Variants in VANGL1 observed in about 807,000 individuals in gnomAD.
VANGL1 encodes the protein VANGL planar cell polarity protein 1.
Under a neutral mutation model 48.4 loss-of-function variants are expected in VANGL1, and 18 were observed. The ratio of observed to expected loss-of-function variants is 0.37; its 90% confidence interval spans 0.26 to 0.55. The LOEUF (loss-of-function observed/expected upper bound fraction) is 0.55. VANGL1 is among the 20% of genes least tolerant of loss of function. VANGL1 has a pLI of 0.81. For missense variants in VANGL1, 667 were observed against 675.8 expected (o/e 0.99, Z 0.14); for synonymous variants, 257 against 261.8 (o/e 0.98, Z 0.18).
In VANGL1 at chr1:115,693,407, A is replaced by G. The variant is rs1010316665; in HGVS notation, c.*2028A>G. ...TAATGACACTGTTCATCACCATTCTAAAATACTGTTCTTCCAACCCTATCT... is the reference window on the plus strand; with the variant it reads ...TAATGACACTGTTCATCACCATTCTGAAATACTGTTCTTCCAACCCTATCT... On this transcript the variant is annotated 3_prime_UTR_variant, in exon 8 of 8. Transcript: ENST00000355485. The G allele has an allele frequency of 5.9e-5, 9 of 152,638 alleles. No individual in the cohort carries two copies. Among genetic ancestry groups the G allele is most frequent in the Admixed American group, 5.2e-4 (8 of 15,278 alleles). 9.5% of individuals were successfully genotyped at this position (152,638 alleles called of 1,614,324 possible).
At chr1:115,655,274 A>G (rs114672162) in intron 2 of VANGL1, among the ~76,000 whole-genome samples, 1 of 152,212 alleles carries the variant, frequency 6.6e-6, no homozygotes, top group Non-Finnish European at 1.5e-5. Flanking sequence ...AACAACAGAA[A>G]CAGGACTAAA....
At chr1:115,647,738 T>C (rs1358359604) in intron 1 of VANGL1, among the ~76,000 whole-genome samples, 1 of 151,858 alleles carries the variant, frequency 6.6e-6, no homozygotes, top group Non-Finnish European at 1.5e-5. Flanking sequence ...TCAGAGAGGG[T>C]GTTGAAGGTG....
Position 115,672,141 on chromosome 1 carries a change from A to G in VANGL1, c.812+7873A>G, listed in dbSNP as rs1310210464. ...TATAGTTTTATTTGTATTATTAGGGACTCATGGAGAAGTGCTCTGGGTGTC... is the reference window on the plus strand; with the variant it reads ...TATAGTTTTATTTGTATTATTAGGGGCTCATGGAGAAGTGCTCTGGGTGTC... On this transcript the variant is annotated intron_variant, in intron 4 of 7. Transcript: ENST00000355485. 7.2e-5 allele frequency among the ~76,000 whole-genome samples: 11 copies of G among 151,848 alleles called. 1 individual carries two copies.
At position 115,663,872 on chromosome 1, in the gene VANGL1, G is replaced by C; in HGVS notation, c.416G>C (p.Arg139Thr). ...ATCCTTTTACCTCCGATCCTGTGGA[G>C]GGATGAGCTGGAGCCTTGTGGCACA... is the stretch of plus-strand genomic sequence containing the variant. Reference protein sequence around the residue: ...AFILLPPILWRDELEPCGTIC... With the variant: ...AFILLPPILWTDELEPCGTIC... Residue 139 changes from arginine (R) to threonine (T), a missense_variant, in exon 4 of 8, where the codon AGG (arginine) becomes ACG (threonine). Coordinates refer to ENST00000355485, the MANE Select transcript of VANGL1 (RefSeq NM_138959.3). 2 of 1,614,206 alleles carry C rather than the reference G, an allele frequency of 1.2e-6. No individual in the cohort carries two copies. Among genetic ancestry groups the C allele is most frequent in the South Asian group, 2.2e-5 (2 of 91,078 alleles).
At chr1:115,661,126 G>A (rs1235921133) in intron 3 of VANGL1, among the ~76,000 whole-genome samples, 3 of 152,162 alleles carry the variant, frequency 2.0e-5, no homozygotes, top group Non-Finnish European at 4.4e-5. Context: ...GTGTTTGGAG[G>A]CTGTATTTTT....
chr1:115,677,371 A>G (rs1190311331), intron 4 of VANGL1, among the ~76,000 whole-genome samples: 1 of 151,878 alleles, frequency 6.6e-6, no homozygotes, highest in African/African-American at 2.4e-5. Flanking sequence ...TTCTCATTCC[A>G]CCCTCTTTGT....
intron 2 of VANGL1, among the ~76,000 whole-genome samples, chr1:115,654,125 A>G (rs1327753407): frequency 6.6e-6 from 1 of 152,156 alleles, no homozygotes. Flanking sequence ...GTTCCTGTGA[A>G]GGCTGCCCTG....
At chr1:115,663,228 T>C (rs552264017) in intron 3 of VANGL1, among the ~76,000 whole-genome samples, 2 of 152,318 alleles carry the variant, frequency 1.3e-5, no homozygotes, top group South Asian at 2.1e-4. Context: ...TTGGACTTCG[T>C]AAGCCTTTAT....
chr1:115,681,748 C>T (rs1222868620), intron 4 of VANGL1, among the ~76,000 whole-genome samples: 1 of 152,158 alleles, frequency 6.6e-6, no homozygotes, highest in East Asian at 1.9e-4. Context: ...CTCAGGTGAT[C>T]TGCCCACCTC....
intron 7 of VANGL1, among the ~76,000 whole-genome samples, chr1:115,687,465 G>T (rs1274238353): frequency 7.2e-6 from 1 of 138,196 alleles, no homozygotes; most frequent in Non-Finnish European, 1.6e-5. Context: ...AAGTTTCCTG[G>T]TTGCTTTTTG....
chr1:115,688,664 T>G lies in VANGL1; in HGVS notation c.1315-2455T>G, dbSNP rs574138032. ...TCCTAGGGGGTGTACTTTTGCATGC[T>G]TTGCCTCTAACATCTGAGATTTTTT... On this transcript the variant is annotated intron_variant, in intron 7 of 7. Transcript: ENST00000355485. Among the ~76,000 whole-genome samples, 6 of 138,614 alleles carry G rather than the reference T, an allele frequency of 4.3e-5. No individual in the cohort carries two copies. In the East Asian group the frequency reaches 1.0e-3, roughly 23 times the overall value. 90.9% of individuals were successfully genotyped at this position (138,614 alleles called of 152,430 possible). A position where few individuals can be genotyped will look rare whatever the true frequency, so the allele number is the denominator to read the frequency against.
At chr1:115,684,669 A>G (rs1455580099) in intron 6 of VANGL1, among the ~76,000 whole-genome samples, 1 of 152,204 alleles carries the variant, frequency 6.6e-6, no homozygotes, top group Non-Finnish European at 1.5e-5. Context: ...TGGCATTTCT[A>G]ACAGATTCCT....
intron 2 of VANGL1, among the ~76,000 whole-genome samples, chr1:115,657,140 G>A (rs1275830733): frequency 6.6e-6 from 1 of 152,208 alleles, no homozygotes; most frequent in African/African-American, 2.4e-5. Context: ...GCCTTTTGAA[G>A]TGATTGTATT....
chr1:115,654,522 A>AG (rs1652273417), intron 2 of VANGL1, among the ~76,000 whole-genome samples: 1 of 150,310 alleles, frequency 6.7e-6, no homozygotes. Context: ...AAAAAAAAAA[A>AG]TTGGTATTTT....
chr1:115,675,665 G>A (rs569199769), intron 4 of VANGL1, among the ~76,000 whole-genome samples: 4 of 152,142 alleles, frequency 2.6e-5, no homozygotes, highest in East Asian at 3.9e-4. Flanking sequence ...GGTGGCGTGC[G>A]CCTGTAATCC....
intron 1 of VANGL1, among the ~76,000 whole-genome samples, chr1:115,651,006 G>A (rs1293051087): frequency 6.6e-6 from 1 of 152,058 alleles, no homozygotes; most frequent in Non-Finnish European, 1.5e-5. Context: ...CAGGGGTCAG[G>A]TCATCCTGAG....
At chr1:115,682,182 G>T (rs539875003) in intron 4 of VANGL1, among the ~76,000 whole-genome samples, 182 bp from the exon 5 acceptor site, 2 of 152,354 alleles carry the variant, frequency 1.3e-5, no homozygotes, top group East Asian at 3.9e-4. Context: ...TGGCCATGGG[G>T]CTTAGTTTCA....
chr1:115,672,309 G>A (rs1653005464), intron 4 of VANGL1, among the ~76,000 whole-genome samples: 1 of 152,168 alleles, frequency 6.6e-6, no homozygotes, highest in African/African-American at 2.4e-5. Context: ...CTTGTCCACA[G>A]CTTGAATTTC....
At chr1:115,654,446 C>T (rs537782501) in intron 2 of VANGL1, among the ~76,000 whole-genome samples, 1 of 132,062 alleles carries the variant, frequency 7.6e-6, no homozygotes, top group African/African-American at 3.0e-5. Flanking sequence ...TAACTTTTGT[C>T]ATTGTGGTGT....
Sources: allele counts gnomAD v4.1 joint callset (sites outside exome capture counted in the v4.1 genomes callset), GRCh38; gene constraint gnomAD v4.1.1; transcripts MANE v1.5; gene names NCBI Gene and HGNC (gene_info 2026-07-23, HGNC 2026-07-21).